Variants in CRIP1 observed in about 807,000 individuals in gnomAD.
CRIP1 encodes cysteine rich protein 1.
Under a neutral mutation model 12.9 loss-of-function variants are expected in CRIP1, and 11 were observed. That is an observed-to-expected ratio of 0.86 (90% CI 0.54 to 1.42). The LOEUF is 1.42. Ranked by LOEUF, CRIP1 falls within the 40% of genes most tolerant of loss-of-function variation. The probability of loss-of-function intolerance (pLI) is 0.00; values close to 1 mark genes in which losing one functional copy is unlikely to be tolerated. For synonymous variants in CRIP1, 41 were observed against 37.2 expected, an observed-to-expected ratio of 1.10 and a Z score of -0.37; for missense variants, 122 against 101.3, an observed-to-expected ratio of 1.20 and a Z score of -0.88.
chr14:105,487,987 A>T (rs193261238), intron 2 of CRIP1, 179 bp from the exon 3 acceptor site: 122 of 611,118 alleles, frequency 2.0e-4, no homozygotes, highest in Non-Finnish European at 3.2e-4. Flanking sequence ...GGCTCTGGGG[A>T]TTGGAGATGT....
intron 1 of CRIP1, 28 bp from the exon 2 acceptor site, chr14:105,487,171 A>G (rs2141772032): frequency 2.0e-6 from 3 of 1,502,926 alleles, no homozygotes; most frequent in Non-Finnish European, 2.7e-6. Context: ...GGTCCCTGAA[A>G]GGCGCGGACC....
intron 2 of CRIP1, chr14:105,487,890 C>G (rs746467086): frequency 9.9e-6 from 5 of 505,990 alleles, no homozygotes; most frequent in Non-Finnish European, 1.4e-5. Flanking sequence ...CGCCCTCTAG[C>G]CCCACCCAGC....
intron 2 of CRIP1, chr14:105,487,877 C>A (rs2084136230): frequency 4.2e-6 from 2 of 473,692 alleles, no homozygotes; most frequent in South Asian, 5.0e-5. Flanking sequence ...TGACCCTCGG[C>A]CTCGCCCTCT....
Position 105,488,734 on chromosome 14 carries a change from G to T in CRIP1, c.*77G>T. The T allele has an allele frequency of 1.7e-6, 1 of 596,470 alleles. No homozygotes were observed. The highest frequency in any genetic ancestry group is 3.0e-6 in the Non-Finnish European group (1 of 334,514). The allele number at this position is 596,470 out of a possible 1,614,324, so 36.9% of individuals were successfully genotyped here. A position where few individuals can be genotyped will look rare whatever the true frequency, so the allele number is the denominator to read the frequency against. On this transcript the variant is annotated 3_prime_UTR_variant, in exon 6 of 6. Coordinates refer to ENST00000392531, the MANE Select transcript of CRIP1 (RefSeq NM_001311.5). ...CAAATGCCAGGCCTTGTCCCCAGAT[G>T]CCCAGGGCTCCCTTGTTGCCCCTAA...
intron 1 of CRIP1, 55 bp from the exon 2 acceptor site, chr14:105,487,144 A>G (rs1368037115): frequency 2.1e-6 from 3 of 1,450,220 alleles, no homozygotes; most frequent in Non-Finnish European, 1.8e-6. Flanking sequence ...CGGGGTCTCC[A>G]AGGGGCGGGG....
rs140219692 is a variant in CRIP1 at position 105,488,225 on chromosome 14, T to C, written c.100T>C (p.Cys34Arg). The C allele has an allele frequency of 1.2e-5, 19 of 1,613,160 alleles. No homozygotes were observed. Among genetic ancestry groups the C allele is most frequent in the East Asian group, 2.2e-5 (1 of 44,880 alleles). ...TCGGCCCTGCCTGAAGTGCGAGAAA[T>C]GTGGGAAGACGCTGACCTCTGGGGG... ...WHRPCLKCEK[C>R]GKTLTSGGHA... Residue 34 changes from cysteine (C) to arginine (R), a missense_variant, in exon 3 of 6, where the codon TGT becomes CGT. Cys to Arg is a radical substitution (Grantham distance 180, BLOSUM62 -3). Transcript: ENST00000392531.
At chr14:105,487,145 A>C in intron 1 of CRIP1, 54 bp from the exon 2 acceptor site, 1 of 1,451,204 alleles carries the variant, frequency 6.9e-7, no homozygotes, top group Non-Finnish European at 9.1e-7. Flanking sequence ...GGGGTCTCCA[A>C]GGGGCGGGGT....
chr14:105,487,922 C>G, intron 2 of CRIP1: 1 of 541,056 alleles, frequency 1.8e-6, no homozygotes, highest in Non-Finnish European at 3.3e-6. Context: ...AGATTCCCGG[C>G]CGCACCCGAA....
At chr14:105,487,424 C>A in intron 2 of CRIP1, 125 bp downstream of exon 2, 1 of 779,700 alleles carries the variant, frequency 1.3e-6, no homozygotes, top group Non-Finnish European at 2.0e-6. Context: ...AACGCCTCAG[C>A]CTGGCCCGCC....
chr14:105,487,548 T>G, intron 2 of CRIP1: 1 of 482,000 alleles, frequency 2.1e-6, no homozygotes, highest in Non-Finnish European at 3.7e-6. Context: ...CCTCCCCGTC[T>G]CTGGGTCCTA....
intron 2 of CRIP1, chr14:105,487,678 C>T (rs2084133901): frequency 4.8e-6 from 1 of 206,322 alleles, no homozygotes; most frequent in African/African-American, 2.3e-5. Flanking sequence ...AAACCGACGC[C>T]CGGGGCGCGA....
chr14:105,486,894 T>TCC lies in CRIP1; in HGVS notation c.-139_-138insCC, dbSNP rs1407140734. 3 of 1,067,860 alleles carry TCC rather than the reference T, an allele frequency of 2.8e-6. No individual in the cohort carries two copies. The highest frequency in any genetic ancestry group is 5.4e-5 in the Admixed American group (1 of 18,508). The allele number at this position is 1,067,860 out of a possible 1,614,324, so 66.1% of individuals were successfully genotyped here. On this transcript the variant is annotated 5_prime_UTR_variant, in exon 1 of 6. Transcript: ENST00000392531. ...TCCTGCTGCGGGTGAGCCTTTTGCC[T>TCC]CGGAACTGGACCCGGGAGACATCAC...
In CRIP1 at chr14:105,486,969, C is replaced by G. The variant is rs2084126560; in HGVS notation, c.-65C>G. ...GAACTCGCCTAAAGAGCTGCGCCCT[C>G]TCAGTAAGTCCCCATGGCCCCCTGC... On this transcript the variant is annotated 5_prime_UTR_variant, in exon 1 of 6. Transcript: ENST00000392531. 2.5e-6 allele frequency: 3 copies of G among 1,190,820 alleles called. No homozygotes were observed. Among genetic ancestry groups the G allele is most frequent in the Middle Eastern group, 3.2e-4 (1 of 3,116 alleles). The allele number at this position is 1,190,820 out of a possible 1,614,324, so 73.8% of individuals were successfully genotyped here.
In CRIP1 at chr14:105,488,416, C is replaced by G. The variant is rs782802692; in HGVS notation, c.193+28C>G. The G allele has an allele frequency of 5.0e-6, 8 of 1,604,510 alleles. No individual in the cohort carries two copies. In the East Asian group the frequency reaches 1.6e-4, roughly 32 times the overall value. On this transcript the variant is annotated intron_variant, in intron 4 of 5. Transcript: ENST00000392531. ...ATGCTCCCGTCATCCCCACCCCACC[C>G]CACCCCACAGCCTCCTCCACCCCAG...
chr14:105,488,574 C>G, intron 5 of CRIP1, 58 bp downstream of exon 5: 2 of 1,534,118 alleles, frequency 1.3e-6, no homozygotes, highest in South Asian at 2.5e-5. Flanking sequence ...GATGGGGATG[C>G]CCCCTCCCAG....
rs2084143120 is a variant in CRIP1 at position 105,488,228 on chromosome 14, G to A, written c.103G>A (p.Gly35Arg). The change falls in exon 3 of 6, where the codon GGG becomes AGG. Residue 35 changes from glycine to arginine, a missense_variant. Gly to Arg is a moderately radical substitution (Grantham distance 125). Transcript: ENST00000392531. ...GCCCTGCCTGAAGTGCGAGAAATGT[G>A]GGAAGACGCTGACCTCTGGGGGCCA... ...HRPCLKCEKC[G>R]KTLTSGGHAE... The A allele has an allele frequency of 1.9e-6, 3 of 1,613,306 alleles. No homozygotes were observed. The highest frequency in any genetic ancestry group is 3.3e-5 in the Admixed American group (2 of 60,010).
chr14:105,487,094 A>G, intron 1 of CRIP1, 105 bp from the exon 2 acceptor site: 1 of 1,372,854 alleles, frequency 7.3e-7, no homozygotes, highest in Non-Finnish European at 9.5e-7. Context: ...CGAGGTCCCC[A>G]GGGTCCAAGT....
chr14:105,488,147 C>A lies in CRIP1; in HGVS notation c.41-19C>A, dbSNP rs782179495. 1.4e-5 allele frequency: 22 copies of A among 1,608,818 alleles called. No individual in the cohort carries two copies. The highest frequency in any genetic ancestry group is 6.7e-5 in the Admixed American group (4 of 59,854). Reference sequence around the variant, plus strand: ...CGCGTCCTGCAGCGTCTCACCGGGGCCTGTCTGTGCCTCTGCAGCCGAGAG... The same window carrying A: ...CGCGTCCTGCAGCGTCTCACCGGGGACTGTCTGTGCCTCTGCAGCCGAGAG... On this transcript the variant is annotated intron_variant, in intron 2 of 5. Transcript: ENST00000392531.
In CRIP1 at chr14:105,488,403, T is replaced by TGGCCCCCCCCCCCCCCC; in HGVS notation, c.193+15_193+16insGGCCCCCCCCCCCCCCC. On this transcript the variant is annotated intron_variant, in intron 4 of 5. Coordinates refer to ENST00000392531, the MANE Select transcript of CRIP1 (RefSeq NM_001311.5). Reference sequence around the variant, plus strand: ...TGGGCCTAAAGGTATGCTCCCGTCATCCCCACCCCACCCCACCCCACAGCC... The same window carrying TGGCCCCCCCCCCCCCCC: ...TGGGCCTAAAGGTATGCTCCCGTCATGGCCCCCCCCCCCCCCCCCCCACCCCACCCCACCCCACAGCC... 6.3e-7 allele frequency: 1 copy of TGGCCCCCCCCCCCCCCC among 1,580,472 alleles called. No homozygotes were observed. The highest frequency in any genetic ancestry group is 8.6e-7 in the Non-Finnish European group (1 of 1,156,508).
Sources: gnomAD v4.1 joint callset for allele counts on GRCh38, gnomAD v4.1.1 for gene constraint, MANE v1.5 for transcripts, NCBI Gene and HGNC (gene_info 2026-07-23, HGNC 2026-07-21) for gene names.